ABCB5: variants seen among roughly 807,000 people sequenced by gnomAD.
The protein encoded by ABCB5 is ATP-binding cassette sub-family B member 5.
ABCB5 carries 155 observed loss-of-function variants against 144.2 expected under a neutral mutation model. The observed-to-expected ratio is 1.08, with a 90% CI of 0.94 to 1.23. The LOEUF (loss-of-function observed/expected upper bound fraction) is 1.23, where lower values mean the gene tolerates loss of function less well. Among genes scored for constraint, ABCB5 ranks in the 50% most tolerant of loss-of-function variants. The probability of loss-of-function intolerance (pLI) is 0.00; values close to 1 mark genes in which losing one functional copy is unlikely to be tolerated. For missense variants in ABCB5, 1,830 were observed against 1,520.8 expected, an observed-to-expected ratio of 1.20 and a Z score of -3.38; for synonymous variants, 610 against 528.6, an observed-to-expected ratio of 1.15 and a Z score of -2.11.
intron 19 of ABCB5, among the ~76,000 whole-genome samples, chr7:20,702,812 C>T (rs1786676161): frequency 6.6e-6 from 1 of 150,648 alleles, no homozygotes; most frequent in Non-Finnish European, 1.5e-5. Context: ...CAGGCGCCCA[C>T]CGCCACGCCT....
At chr7:20,694,051 C>CT (rs1156489992) in intron 16 of ABCB5, among the ~76,000 whole-genome samples, 1 of 144,740 alleles carries the variant, frequency 6.9e-6, no homozygotes, top group Non-Finnish European at 1.5e-5. Context: ...AACAAAAAAA[C>CT]TTTAAGCCAT....
At chr7:20,728,287 A>T in intron 22 of ABCB5, 28 bp from the exon 23 acceptor site, 1 of 1,610,198 alleles carries the variant, frequency 6.2e-7, no homozygotes, top group Non-Finnish European at 8.5e-7. Context: ...TTCATGCCTC[A>T]TTATTTGGTA....
chr7:20,645,209 C>T (rs1784375443), intron 7 of ABCB5, among the ~76,000 whole-genome samples: 2 of 152,188 alleles, frequency 1.3e-5, no homozygotes, highest in South Asian at 4.1e-4. Flanking sequence ...AAGTACAAGG[C>T]TTTGTGCCAG....
intron 13 of ABCB5, among the ~76,000 whole-genome samples, chr7:20,657,475 T>C (rs1174949710): frequency 1.3e-5 from 2 of 152,158 alleles, no homozygotes; most frequent in Admixed American, 1.3e-4. Flanking sequence ...ACAACATGGA[T>C]GAATATCAAA....
intron 13 of ABCB5, among the ~76,000 whole-genome samples, chr7:20,655,995 C>T (rs1784778385): frequency 6.6e-6 from 1 of 152,164 alleles, no homozygotes; most frequent in Admixed American, 6.5e-5. Context: ...TCACAAATAT[C>T]TACTAAGTTA....
chr7:20,718,059 G>A (rs1299684823), intron 20 of ABCB5, among the ~76,000 whole-genome samples: 10 of 148,984 alleles, frequency 6.7e-5, no homozygotes, highest in Non-Finnish European at 1.5e-4. Context: ...CCGCCACCAC[G>A]CCTGGCTAAT....
Position 20,739,932 on chromosome 7 carries a change from T to G in ABCB5, c.3024+793T>G, listed in dbSNP as rs927312848. Among the ~76,000 whole-genome samples, 20 of 152,260 alleles carry G rather than the reference T, an allele frequency of 1.3e-4. 1 individual carries two copies. The highest frequency in any genetic ancestry group is 1.3e-3 in the Admixed American group (20 of 15,284). On this transcript the variant is annotated intron_variant, in intron 24 of 27. Coordinates refer to ENST00000404938, the MANE Select transcript of ABCB5 (RefSeq NM_001163941.2). Reference sequence around the variant, plus strand: ...GGTGTATAATTTCAAAATAAATCTCTCAATAATAGTCTTATACAGCTGGGC... The same window carrying G: ...GGTGTATAATTTCAAAATAAATCTCGCAATAATAGTCTTATACAGCTGGGC...
At chr7:20,729,783 T>A (rs1782151740) in intron 23 of ABCB5, among the ~76,000 whole-genome samples, 1 of 152,236 alleles carries the variant, frequency 6.6e-6, no homozygotes, top group Non-Finnish European at 1.5e-5. Context: ...AGTATCAGCC[T>A]CTTCACAATA....
chr7:20,669,927 A>G (rs1251206557), intron 14 of ABCB5, among the ~76,000 whole-genome samples: 2 of 152,204 alleles, frequency 1.3e-5, no homozygotes, highest in Non-Finnish European at 2.9e-5. Flanking sequence ...CCAGGTCTCC[A>G]AGACCCAGAA....
chr7:20,670,579 AT>A (rs1213439665), intron 14 of ABCB5, among the ~76,000 whole-genome samples: 3 of 152,216 alleles, frequency 2.0e-5, no homozygotes, highest in Admixed American at 6.5e-5. Context: ...GAGGCTTAGA[AT>A]TACCACACCA....
intron 5 of ABCB5, among the ~76,000 whole-genome samples, chr7:20,633,796 T>C (rs139720531): frequency 3.8e-4 from 58 of 152,274 alleles, no homozygotes; most frequent in Admixed American, 9.2e-4. Context: ...CAGTCTCTAG[T>C]ATCCTCTGTT....
At chr7:20,623,583 C>G (rs955526558) in intron 2 of ABCB5, among the ~76,000 whole-genome samples, 6 of 152,132 alleles carry the variant, frequency 3.9e-5, no homozygotes, top group African/African-American at 7.2e-5. Context: ...CAGATATCTC[C>G]TCTTCTGAAT....
chr7:20,651,543 C>G lies in ABCB5; in HGVS notation c.1456C>G (p.Arg486Gly), dbSNP rs773139161. Residue 486 changes from arginine to glycine, a missense_variant, in exon 13 of 28, where the codon CGA becomes GGA. By Grantham distance (125) the Arg-to-Gly change is moderately radical. Coordinates refer to ENST00000404938, the MANE Select transcript of ABCB5 (RefSeq NM_001163941.2). ...TTISNNIKYG[R>G]DDVTDEEMER... ...CATCAGTAACAATATCAAGTATGGA[C>G]GAGATGATGTGACTGATGAAGAGAT... is the stretch of plus-strand genomic sequence containing the variant. 1 of 1,613,804 alleles carries G rather than the reference C, an allele frequency of 6.2e-7. No individual in the cohort carries two copies. The highest frequency in any genetic ancestry group is 1.3e-5 in the African/African-American group (1 of 74,812).
chr7:20,623,652 A>C (rs992656071), intron 2 of ABCB5, among the ~76,000 whole-genome samples: 1 of 152,278 alleles, frequency 6.6e-6, no homozygotes. Context: ...GCAAATTTTA[A>C]TTTCAATTCT....
intron 26 of ABCB5, 101 bp downstream of exon 26, chr7:20,745,539 A>G (rs1782693133): frequency 5.8e-6 from 6 of 1,043,356 alleles, no homozygotes; most frequent in Non-Finnish European, 8.3e-6. Flanking sequence ...GGATTATACA[A>G]TGTATTTATT....
At chr7:20,699,481 A>C (rs1786532702) in intron 17 of ABCB5, among the ~76,000 whole-genome samples, 1 of 152,172 alleles carries the variant, frequency 6.6e-6, no homozygotes, top group East Asian at 1.9e-4. Context: ...CAGCCGGATC[A>C]CTTGAGGTCA....
At position 20,617,169 on chromosome 7, in the gene ABCB5, T is replaced by C. The variant is rs750246329; in HGVS notation, c.-22+1332T>C. Among the ~76,000 whole-genome samples, 74 of 152,328 alleles carry C rather than the reference T, an allele frequency of 4.9e-4. 1 individual carries two copies. The Middle Eastern group carries it at 0.01, about 21-fold the overall frequency. On this transcript the variant is annotated intron_variant, in intron 1 of 27. Transcript: ENST00000404938. ...TCCCTGTAATGGAGTCTAAGCTCTA[T>C]GACAGCAAAGATGTCTAGGCTGTTC...
chr7:20,650,318 A>C (rs1404558383), intron 12 of ABCB5, among the ~76,000 whole-genome samples, 171 bp downstream of exon 12: 2 of 152,220 alleles, frequency 1.3e-5, no homozygotes, highest in African/African-American at 2.4e-5. Flanking sequence ...AGAGCCTACT[A>C]TGTGTCAGGC....
chr7:20,636,621 T>C (rs1160483306), intron 5 of ABCB5, among the ~76,000 whole-genome samples: 1 of 151,486 alleles, frequency 6.6e-6, no homozygotes, highest in Non-Finnish European at 1.5e-5. Flanking sequence ...TCCGTCTCTA[T>C]TAAGAATACA....
Sources: allele counts gnomAD v4.1 joint callset (sites outside exome capture counted in the v4.1 genomes callset), GRCh38; gene constraint gnomAD v4.1.1; transcripts MANE v1.5; gene names NCBI Gene and HGNC (gene_info 2026-07-23, HGNC 2026-07-21).